Variants in NOVA1 observed in about 807,000 individuals in gnomAD.
The protein encoded by NOVA1 is RNA-binding protein Nova-1.
NOVA1 carries 7 observed loss-of-function variants against 38.0 expected under a neutral mutation model. The observed-to-expected ratio is 0.18, with a 90% CI of 0.10 to 0.35. NOVA1 has a LOEUF of 0.35. Among genes scored for constraint, NOVA1 ranks in the 10% least tolerant of loss-of-function variants. NOVA1 has a pLI of 1.00. For missense variants in NOVA1, 460 were observed against 616.0 expected, an observed-to-expected ratio of 0.75 and a Z score of 2.68; for synonymous variants, 270 against 232.5, an observed-to-expected ratio of 1.16 and a Z score of -1.47.
At chr14:26,595,624 G>C (rs1271985158) in intron 1 of NOVA1, 71 bp from the exon 2 acceptor site, 38 of 1,413,098 alleles carry the variant, frequency 2.7e-5, no homozygotes, top group Non-Finnish European at 3.6e-5. Flanking sequence ...CCACCCTCAA[G>C]AGAGAAAAAC....
chr14:26,589,522 T>C (rs184898571), intron 2 of NOVA1, among the ~76,000 whole-genome samples: 1 of 151,896 alleles, frequency 6.6e-6, no homozygotes, highest in Admixed American at 6.6e-5. Flanking sequence ...TTGGAACACT[T>C]CAAACTACTC....
intron 2 of NOVA1, among the ~76,000 whole-genome samples, chr14:26,486,432 G>T (rs888865370): frequency 6.6e-6 from 1 of 151,924 alleles, no homozygotes; most frequent in Non-Finnish European, 1.5e-5. Context: ...GTTCCGGGCC[G>T]GGCATGGTGG....
At position 26,494,605 on chromosome 14, in the gene NOVA1, A is replaced by G. The variant is rs1886614945; in HGVS notation, c.281-14462T>C. Among the ~76,000 whole-genome samples, 3 of 152,188 alleles carry G rather than the reference A, an allele frequency of 2.0e-5. No individual in the cohort carries two copies. In the South Asian group the frequency reaches 6.2e-4, roughly 32 times the overall value. ...TTTCATGTAGTGACTTCCATTAACC[A>G]CTTCCTCCTTATGGAAATAGTTTCC... On this transcript the variant is annotated intron_variant, in intron 2 of 4. Transcript: ENST00000539517.
chr14:26,542,733 CAA>C (rs71121888), intron 2 of NOVA1, among the ~76,000 whole-genome samples: 11,316 of 125,882 alleles, frequency 0.09, 491 homozygotes, highest in African/African-American at 0.15. Flanking sequence ...TTTGTAATGG[CAA>C]AAAAAAAAAA....
chr14:26,549,686 T>C (rs1434468342), intron 2 of NOVA1: 1 of 1,273,438 alleles, frequency 7.9e-7, no homozygotes, highest in Admixed American at 2.3e-5. Flanking sequence ...TTACAGTCTA[T>C]GTAGTACTCC....
At chr14:26,531,853 T>G (rs1222387235) in intron 2 of NOVA1, among the ~76,000 whole-genome samples, 1 of 152,124 alleles carries the variant, frequency 6.6e-6, no homozygotes, top group Non-Finnish European at 1.5e-5. Flanking sequence ...CCTGAATATT[T>G]AAAGAACTCT....
chr14:26,450,382 T>TACAC (rs149590260), intron 4 of NOVA1, among the ~76,000 whole-genome samples: 89,295 of 149,834 alleles, frequency 0.6, 30,002 homozygotes, highest in Non-Finnish European at 0.74. Flanking sequence ...ACACATATAA[T>TACAC]ACACACACAC....
chr14:26,567,941 TG>T (rs1366438445), intron 2 of NOVA1, among the ~76,000 whole-genome samples: 9 of 152,196 alleles, frequency 5.9e-5, no homozygotes, highest in Non-Finnish European at 1.0e-4. Flanking sequence ...TTAAAACATC[TG>T]AAGAGTTTCT....
At chr14:26,553,844 G>A (rs1055237651) in intron 2 of NOVA1, among the ~76,000 whole-genome samples, 2 of 151,970 alleles carry the variant, frequency 1.3e-5, no homozygotes, top group African/African-American at 2.4e-5. Context: ...CTCCTCTCCC[G>A]TCCTCATAGA....
At chr14:26,496,214 T>C (rs533254034) in intron 2 of NOVA1, among the ~76,000 whole-genome samples, 3 of 152,236 alleles carry the variant, frequency 2.0e-5, no homozygotes, top group South Asian at 4.2e-4. Flanking sequence ...TGATATCTCA[T>C]TGTGGTTTTG....
At chr14:26,508,029 T>C (rs1239825256) in intron 2 of NOVA1, among the ~76,000 whole-genome samples, 3 of 152,056 alleles carry the variant, frequency 2.0e-5, no homozygotes, top group African/African-American at 7.2e-5. Flanking sequence ...TCTAAAGTTT[T>C]TCTATTACTT....
intron 2 of NOVA1, among the ~76,000 whole-genome samples, chr14:26,512,384 A>T (rs1306235201): frequency 1.3e-5 from 2 of 152,210 alleles, no homozygotes; most frequent in African/African-American, 4.8e-5. Flanking sequence ...AATAGTTTAA[A>T]GCAGGGGTCA....
Position 26,480,125 on chromosome 14 carries a change from C to G in NOVA1, c.299G>C (p.Cys100Ser). 1 of 1,613,730 alleles carries G rather than the reference C, an allele frequency of 6.2e-7. No homozygotes were observed. Among genetic ancestry groups the G allele is most frequent in the Non-Finnish European group, 8.5e-7 (1 of 1,179,832 alleles). ...DFYPGTTERV[C>S]LIQGTVEALN... The stretch of plus-strand genomic sequence containing the variant: ...TGCTTCAACCGTTCCCTGGATCAAG[C>G]ACACTCGCTCAGTAGTACCTGTGGA... Residue 100 changes from cysteine (C) to serine (S), a missense_variant, in exon 3 of 5, where the codon TGC becomes TCC. By Grantham distance (112) the Cys-to-Ser change is moderately radical (BLOSUM62 -1). Coordinates refer to ENST00000539517, the MANE Select transcript of NOVA1 (RefSeq NM_002515.3).
chr14:26,451,492 C>T (rs1036458580), intron 4 of NOVA1, among the ~76,000 whole-genome samples: 1 of 152,036 alleles, frequency 6.6e-6, no homozygotes, highest in Non-Finnish European at 1.5e-5. Flanking sequence ...CTCAGTTTCG[C>T]AAGTAGCTGG....
chr14:26,572,968 A>T (rs1892585066), intron 2 of NOVA1, among the ~76,000 whole-genome samples: 3 of 152,168 alleles, frequency 2.0e-5, no homozygotes, highest in African/African-American at 7.2e-5. Context: ...CAAAAGATCA[A>T]AACAGTTTTG....
chr14:26,543,222 G>A (rs1286186547), intron 2 of NOVA1, among the ~76,000 whole-genome samples: 2 of 151,874 alleles, frequency 1.3e-5, no homozygotes, highest in East Asian at 1.9e-4. Context: ...ATGATAAAAG[G>A]CATAGAAACT....
chr14:26,459,930 A>G (rs1307511466), intron 4 of NOVA1, among the ~76,000 whole-genome samples: 1 of 151,964 alleles, frequency 6.6e-6, no homozygotes, highest in Non-Finnish European at 1.5e-5. Flanking sequence ...ATTAAATATT[A>G]TTAGTTAAAA....
chr14:26,491,140 G>A (rs188526889), intron 2 of NOVA1, among the ~76,000 whole-genome samples: 108 of 152,064 alleles, frequency 7.1e-4, no homozygotes, highest in African/African-American at 2.2e-3. Context: ...GTGAGCCACC[G>A]TGCCCGGCCA....
At chr14:26,509,163 A>G (rs904472301) in intron 2 of NOVA1, among the ~76,000 whole-genome samples, 4 of 152,098 alleles carry the variant, frequency 2.6e-5, no homozygotes, top group African/African-American at 7.2e-5. Flanking sequence ...ACATTTTTAG[A>G]TATTTGTAGA....
Sources: gnomAD v4.1 joint callset for allele counts (sites outside exome capture counted in the v4.1 genomes callset) on GRCh38, gnomAD v4.1.1 for gene constraint, MANE v1.5 for transcripts, NCBI Gene and HGNC (gene_info 2026-07-23, HGNC 2026-07-21) for gene names.